Variants in WDR7 observed in about 807,000 individuals in gnomAD.
WDR7 encodes WD repeat domain 7.
WDR7 carries 46 observed loss-of-function variants against 169.4 expected under a neutral mutation model. That is an observed-to-expected ratio of 0.27 (90% CI 0.21 to 0.35). WDR7 has a LOEUF of 0.35. Ranked by LOEUF, WDR7 falls within the 10% of genes least tolerant of loss-of-function variation. WDR7 has a pLI of 1.00. For missense variants in WDR7, 1,534 were observed against 1,859.3 expected, an observed-to-expected ratio of 0.83 and a Z score of 3.22; for synonymous variants, 612 against 666.8, an observed-to-expected ratio of 0.92 and a Z score of 1.27.
chr18:56,682,775 G>A lies in WDR7; in HGVS notation c.442G>A (p.Val148Ile), dbSNP rs1393042232. 3.7e-6 allele frequency: 6 copies of A among 1,613,846 alleles called. No homozygotes were observed. The highest frequency in any genetic ancestry group is 5.1e-6 in the Non-Finnish European group (6 of 1,179,802). The change falls in exon 5 of 28, where the codon GTA (valine) becomes ATA (isoleucine). Residue 148 changes from valine (V) to isoleucine (I), a missense_variant. Coordinates refer to ENST00000254442, the MANE Select transcript of WDR7 (RefSeq NM_015285.3). ...TGTTGTGGATGCTACCAGCCTTGAA[G>A]TATTATACTCCTTAGTATCAAAGAT... ...ILVVDATSLE[V>I]LYSLVSKISP...
intron 21 of WDR7, among the ~76,000 whole-genome samples, chr18:56,912,090 G>A (rs1376834697): frequency 6.6e-6 from 1 of 152,140 alleles, no homozygotes; most frequent in Non-Finnish European, 1.5e-5. Flanking sequence ...ATGGTGTATG[G>A]GTGACCAGAA....
chr18:56,946,483 C>T (rs1323221867), intron 25 of WDR7, among the ~76,000 whole-genome samples: 6 of 152,158 alleles, frequency 3.9e-5, no homozygotes, highest in Non-Finnish European at 7.3e-5. Flanking sequence ...TTGTTTTTCT[C>T]GTATAACCGG....
intron 19 of WDR7, among the ~76,000 whole-genome samples, chr18:56,783,875 C>T (rs1276017524): frequency 6.6e-6 from 1 of 152,108 alleles, no homozygotes; most frequent in Admixed American, 6.6e-5. Flanking sequence ...AAGTTAGCTA[C>T]AAGGTAAAGG....
At chr18:56,880,820 A>G (rs1194354841) in intron 21 of WDR7, among the ~76,000 whole-genome samples, 1 of 152,184 alleles carries the variant, frequency 6.6e-6, no homozygotes, top group Non-Finnish European at 1.5e-5. Context: ...TGTGCTTGGT[A>G]TGTTAATAAT....
intron 26 of WDR7, among the ~76,000 whole-genome samples, chr18:56,997,858 G>A (rs557399166): frequency 1.1e-4 from 16 of 152,244 alleles, no homozygotes; most frequent in African/African-American, 3.9e-4. Context: ...TTTCTCCTTT[G>A]CAGTTTTTTA....
At chr18:56,832,457 A>G (rs2045328896) in intron 20 of WDR7, among the ~76,000 whole-genome samples, 2 of 152,208 alleles carry the variant, frequency 1.3e-5, no homozygotes, top group Admixed American at 1.3e-4. Flanking sequence ...TGAAGAGAGC[A>G]GCAGATCTCC....
At chr18:56,807,660 T>C (rs1189714911) in intron 19 of WDR7, among the ~76,000 whole-genome samples, 1 of 147,360 alleles carries the variant, frequency 6.8e-6, no homozygotes, top group African/African-American at 2.5e-5. Flanking sequence ...ACATTTTATA[T>C]GAGAGCAGTT....
rs967305902 is a variant in WDR7 at position 56,765,373 on chromosome 18, T to C, written c.2848+6420T>C. On this transcript the variant is annotated intron_variant, in intron 16 of 27. Transcript: ENST00000254442. ...AGATTTTTTTTATGATTCCATTTGA[T>C]CTCCTTTATGGCTTTATAAGCTAAT... Among the ~76,000 whole-genome samples the C allele has an allele frequency of 4.1e-4, 62 of 152,058 alleles. 1 individual carries two copies. Among genetic ancestry groups the C allele is most frequent in the African/African-American group, 1.4e-3 (60 of 41,444 alleles).
intron 19 of WDR7, among the ~76,000 whole-genome samples, chr18:56,806,542 T>C (rs2044776658): frequency 6.6e-6 from 1 of 152,136 alleles, no homozygotes; most frequent in South Asian, 2.1e-4. Context: ...TCTAAGGAAG[T>C]ACTAGGGCTC....
chr18:56,822,977 G>A (rs1005342011), intron 20 of WDR7, among the ~76,000 whole-genome samples: 1 of 152,126 alleles, frequency 6.6e-6, no homozygotes, highest in East Asian at 1.9e-4. Flanking sequence ...TTCTTGTTTA[G>A]TGTTTAATGC....
intron 20 of WDR7, among the ~76,000 whole-genome samples, chr18:56,871,734 AATTTCTGGC>A (rs1330864567): frequency 6.6e-6 from 1 of 152,042 alleles, no homozygotes; most frequent in Non-Finnish European, 1.5e-5. Flanking sequence ...TTGTGCCAGA[AATTTCTGGC>A]ATAAAATTGT....
At chr18:56,902,512 C>T (rs1369222120) in intron 21 of WDR7, among the ~76,000 whole-genome samples, 1 of 152,094 alleles carries the variant, frequency 6.6e-6, no homozygotes. Flanking sequence ...CAGGTAAACA[C>T]AGATGGAAAC....
chr18:56,913,472 C>A (rs1208049921), intron 21 of WDR7, among the ~76,000 whole-genome samples: 1 of 151,930 alleles, frequency 6.6e-6, no homozygotes, highest in Non-Finnish European at 1.5e-5. Flanking sequence ...TCCACTCTAT[C>A]TTTAAAAAAA....
intron 23 of WDR7, among the ~76,000 whole-genome samples, chr18:56,937,662 G>T (rs1226708542): frequency 6.6e-6 from 1 of 152,064 alleles, no homozygotes. Context: ...TGTTCATATG[G>T]ATTTTCCAAC....
chr18:56,799,804 G>A (rs1000966074), intron 19 of WDR7, among the ~76,000 whole-genome samples: 2 of 150,262 alleles, frequency 1.3e-5, no homozygotes, highest in African/African-American at 5.0e-5. Flanking sequence ...ACACCAAGTG[G>A]ATAGGGATTA....
chr18:56,786,718 A>G (rs1349623725), intron 19 of WDR7, among the ~76,000 whole-genome samples: 1 of 151,992 alleles, frequency 6.6e-6, no homozygotes, highest in Non-Finnish European at 1.5e-5. Context: ...GGATAAGTGC[A>G]TTGTGATTCC....
intron 27 of WDR7, 21 bp from the exon 28 acceptor site, chr18:57,026,981 CAT>C: frequency 6.2e-7 from 1 of 1,607,122 alleles, no homozygotes; most frequent in Middle Eastern, 1.8e-4. Context: ...TCAAGTGACA[CAT>C]GTGCTCTCCT....
intron 14 of WDR7, among the ~76,000 whole-genome samples, chr18:56,742,562 A>G (rs999033200): frequency 6.6e-6 from 1 of 152,210 alleles, no homozygotes; most frequent in African/African-American, 2.4e-5. Flanking sequence ...TTTATTGACT[A>G]CTAGGTACTG....
chr18:56,773,507 C>T (rs1159895498), intron 16 of WDR7, among the ~76,000 whole-genome samples: 1 of 152,046 alleles, frequency 6.6e-6, no homozygotes, highest in Non-Finnish European at 1.5e-5. Flanking sequence ...AATTAGTTTT[C>T]TTGCCAATAT....
Sources: allele counts gnomAD v4.1 joint callset (sites outside exome capture counted in the v4.1 genomes callset), GRCh38; gene constraint gnomAD v4.1.1; transcripts MANE v1.5; gene names NCBI Gene and HGNC (gene_info 2026-07-23, HGNC 2026-07-21).